Variants in ZSWIM4 observed in about 807,000 individuals in gnomAD.
The protein encoded by ZSWIM4 is zinc finger SWIM-type containing 4.
A neutral mutation model predicts 102.5 loss-of-function variants in ZSWIM4; 62 were observed. That is an observed-to-expected ratio of 0.60 (90% confidence interval 0.49 to 0.75). The LOEUF is 0.75. Among genes scored for constraint, ZSWIM4 ranks in the 30% least tolerant of loss-of-function variants. ZSWIM4 has a pLI of 0.00. For synonymous variants in ZSWIM4, 652 were observed against 674.5 expected, an observed-to-expected ratio of 0.97 and a Z score of 0.52; for missense variants, 1,280 against 1,529.6, an observed-to-expected ratio of 0.84 and a Z score of 2.72.
chr19:13,828,748 T>C, intron 13 of ZSWIM4, 22 bp downstream of exon 13: 2 of 1,609,688 alleles, frequency 1.2e-6, no homozygotes, highest in Non-Finnish European at 1.7e-6. Flanking sequence ...TAAGGGGACC[T>C]GCCACCCACT....
rs1238823693 is a variant in ZSWIM4 at position 13,817,316 on chromosome 19, C to T, written c.1632C>T (p.Ala544=). 1 of 1,613,886 alleles carries T rather than the reference C, an allele frequency of 6.2e-7. No homozygotes were observed. The highest frequency in any genetic ancestry group is 8.5e-7 in the Non-Finnish European group (1 of 1,179,908). ...IGCLCRALLE[A]CRLEEETLTL... ...GCCTCTGCAGGGCGCTCCTGGAGGC[C>T]TGTCGTCTGGAGGAGGAGACACTTA... is the stretch of plus-strand genomic sequence containing the variant. Residue 544 remains alanine (A), a synonymous_variant, in exon 8 of 14, where the codon GCC becomes GCT. Transcript: ENST00000590508.
At chr19:13,810,777 T>C (rs945239072) in intron 5 of ZSWIM4, among the ~76,000 whole-genome samples, 12 of 142,990 alleles carry the variant, frequency 8.4e-5, no homozygotes, top group Admixed American at 5.0e-4. Context: ...GCCCGGCTAA[T>C]TTTTTTGTAT....
intron 2 of ZSWIM4, among the ~76,000 whole-genome samples, chr19:13,804,220 C>G (rs1272412234): frequency 6.6e-6 from 1 of 152,000 alleles, no homozygotes; most frequent in Non-Finnish European, 1.5e-5. Context: ...CCTGTAATCC[C>G]TGCACTTTGG....
intron 2 of ZSWIM4, among the ~76,000 whole-genome samples, chr19:13,802,881 G>A (rs182412355): frequency 3.9e-5 from 6 of 152,134 alleles, no homozygotes; most frequent in Non-Finnish European, 8.8e-5. Flanking sequence ...GCCTGGCCAA[G>A]TATCAGGTTA....
intron 6 of ZSWIM4, among the ~76,000 whole-genome samples, chr19:13,813,609 A>G (rs1348481768): frequency 6.6e-6 from 1 of 151,724 alleles, no homozygotes; most frequent in Admixed American, 6.6e-5. Context: ...GATTGAGGAG[A>G]GAGGGAAAAA....
intron 12 of ZSWIM4, among the ~76,000 whole-genome samples, chr19:13,827,971 TG>T (rs1975657292): frequency 6.6e-6 from 1 of 152,098 alleles, no homozygotes; most frequent in Non-Finnish European, 1.5e-5. Context: ...ATCTATGAGG[TG>T]GGATCTGGGG....
chr19:13,823,758 T>C (rs917680435), intron 11 of ZSWIM4, among the ~76,000 whole-genome samples: 10 of 152,036 alleles, frequency 6.6e-5, no homozygotes, highest in African/African-American at 2.4e-4. Context: ...CGGTAACAGG[T>C]GCCATGGAGT....
intron 6 of ZSWIM4, among the ~76,000 whole-genome samples, chr19:13,813,648 T>C (rs886648120): frequency 2.3e-4 from 35 of 151,792 alleles, no homozygotes; most frequent in East Asian, 1.2e-3. Flanking sequence ...AGGCCAGGCA[T>C]GGTGTCTCAC....
At chr19:13,800,065 A>T (rs1483524375) in intron 2 of ZSWIM4, 144 bp downstream of exon 2, 208 of 385,044 alleles carry the variant, frequency 5.4e-4, no homozygotes, top group South Asian at 8.3e-4. Flanking sequence ...ATTGTACAAG[A>T]TTTTTTTTTT....
intron 1 of ZSWIM4, among the ~76,000 whole-genome samples, chr19:13,797,740 C>T (rs1461875090): frequency 6.6e-6 from 1 of 152,150 alleles, no homozygotes; most frequent in East Asian, 1.9e-4. Context: ...GTAGCCTCCA[C>T]CTCCTGGGTT....
At chr19:13,819,324 C>T (rs1381218461) in intron 9 of ZSWIM4, 33 bp from the exon 10 acceptor site, 1 of 1,612,388 alleles carries the variant, frequency 6.2e-7, no homozygotes, top group South Asian at 1.1e-5. Context: ...GGCGAGCCCA[C>T]ACTTGGGGAC....
chr19:13,813,699 T>C (rs1568335809), intron 6 of ZSWIM4, among the ~76,000 whole-genome samples: 4 of 151,854 alleles, frequency 2.6e-5, no homozygotes, highest in Admixed American at 1.3e-4. Flanking sequence ...GGGGGGCAGA[T>C]TGCTTGAGGC....
At chr19:13,799,573 G>T in intron 1 of ZSWIM4, 147 bp from the exon 2 acceptor site, 1 of 765,588 alleles carries the variant, frequency 1.3e-6, no homozygotes. Flanking sequence ...ATCGTGCCCG[G>T]CCAGTTTTTT....
In ZSWIM4 at chr19:13,809,459, G is replaced by T. The variant is rs115441635; in HGVS notation, c.1012+239G>T. Among the ~76,000 whole-genome samples the T allele has an allele frequency of 1.0e-2, 1,522 of 152,322 alleles. 21 individuals carry two copies. The highest frequency in any genetic ancestry group is 0.035 in the African/African-American group (1,466 of 41,568). On this transcript the variant is annotated intron_variant, in intron 5 of 13. Transcript: ENST00000590508. The surrounding 1 kb of genome is among the most constrained non-coding windows in gnomAD (Gnocchi z 4.2). The stretch of plus-strand genomic sequence containing the variant: ...AGGCACAGGCAATCAAATGTCATTG[G>T]CCCAGGGGTTGATACACACGTACAC...
At chr19:13,829,822 C>T (rs1241914433) in intron 13 of ZSWIM4, among the ~76,000 whole-genome samples, 1 of 150,136 alleles carries the variant, frequency 6.7e-6, no homozygotes, top group African/African-American at 2.5e-5. Context: ...GAGACTCCAT[C>T]TCAAAAAAAA....
At chr19:13,828,570 T>C in intron 12 of ZSWIM4, 75 bp from the exon 13 acceptor site, 2 of 1,354,816 alleles carry the variant, frequency 1.5e-6, no homozygotes, top group Non-Finnish European at 1.1e-6. Context: ...TCTGGGGTCC[T>C]CCATCTCCCA....
chr19:13,830,095 G>A, intron 13 of ZSWIM4, 96 bp from the exon 14 acceptor site: 2 of 1,450,740 alleles, frequency 1.4e-6, no homozygotes, highest in Non-Finnish European at 9.3e-7. Context: ...GTGTGGAGGT[G>A]GAAGTGGAGG....
At chr19:13,800,978 C>CA (rs984681073) in intron 2 of ZSWIM4, among the ~76,000 whole-genome samples, 1 of 151,638 alleles carries the variant, frequency 6.6e-6, no homozygotes, top group Non-Finnish European at 1.5e-5. Flanking sequence ...CTTGTCTTCA[C>CA]AAAAAAATCA....
chr19:13,809,358 C>T lies in ZSWIM4; in HGVS notation c.1012+138C>T. ...AACATTTATGAGCGCCTCTAAAGTG[C>T]CAGGCATGGTACTGGGCACTGGTGG... On this transcript the variant is annotated intron_variant, in intron 5 of 13. Coordinates refer to ENST00000590508, the MANE Select transcript of ZSWIM4 (RefSeq NM_001367834.3). This position sits in a 1 kb window ranked among gnomAD's most constrained non-coding sequence, Gnocchi z 4.2. The T allele has an allele frequency of 8.1e-7, 1 of 1,235,066 alleles. No individual in the cohort carries two copies. Among genetic ancestry groups the T allele is most frequent in the Non-Finnish European group, 1.1e-6 (1 of 916,064 alleles). The allele number at this position is 1,235,066 out of a possible 1,614,324, so 76.5% of individuals were successfully genotyped here. A position where few individuals can be genotyped will look rare whatever the true frequency, so the allele number is the denominator to read the frequency against.
Sources: allele counts gnomAD v4.1 joint callset (sites outside exome capture counted in the v4.1 genomes callset), GRCh38; gene constraint gnomAD v4.1.1; non-coding constraint Gnocchi (gnomAD v3.1); transcripts MANE v1.5; gene names NCBI Gene and HGNC (gene_info 2026-07-23, HGNC 2026-07-21).